TANGO2: variants seen among roughly 807,000 people sequenced by gnomAD.
TANGO2 encodes the protein transport and Golgi organization protein 2 homolog.
TANGO2 carries 26 observed loss-of-function variants against 39.1 expected under a neutral mutation model. The observed-to-expected ratio is 0.67, with a 90% confidence interval of 0.49 to 0.92. The LOEUF is 0.92. Among genes scored for constraint, TANGO2 ranks in the 40% least tolerant of loss-of-function variants. The pLI is 0.00. For synonymous variants in TANGO2, 131 were observed against 144.5 expected, an observed-to-expected ratio of 0.91 and a Z score of 0.67; for missense variants, 326 against 360.1, an observed-to-expected ratio of 0.91 and a Z score of 0.77.
At chr22:20,053,276 C>G in intron 4 of TANGO2, 161 bp from the exon 5 acceptor site, 2 of 594,200 alleles carry the variant, frequency 3.4e-6, no homozygotes, top group Non-Finnish European at 6.2e-6. Context: ...GGCAGCCAGG[C>G]TAATGAGGTG....
rs746398994 is a variant in TANGO2 at position 20,061,561 on chromosome 22, G to A, written c.483G>A (p.Glu161=). The A allele has an allele frequency of 3.7e-6, 6 of 1,606,300 alleles. No individual in the cohort carries two copies. The highest frequency in any genetic ancestry group is 5.1e-6 in the Non-Finnish European group (6 of 1,177,000). The change falls in exon 7 of 9, where the codon GAG becomes GAA. Residue 161 remains glutamate, a synonymous_variant. Transcript: ENST00000327374. The part of the protein sequence containing the change: ...GTYGLSNALL[E]TPWRKLCFGK... ...ACGGGCTGAGCAACGCGCTGCTGGAGACTCCCTGGAGGAAGCTGTGCTTTG... is the reference window on the plus strand; with the variant it reads ...ACGGGCTGAGCAACGCGCTGCTGGAAACTCCCTGGAGGAAGCTGTGCTTTG...
chr22:20,038,037 C>T (rs1391523783), intron 2 of TANGO2, among the ~76,000 whole-genome samples: 3 of 152,050 alleles, frequency 2.0e-5, no homozygotes, highest in East Asian at 1.9e-4. Flanking sequence ...TGCAGTGAGC[C>T]GAGATTGCGC....
chr22:20,027,319 A>G (rs893058045), intron 1 of TANGO2, among the ~76,000 whole-genome samples: 1 of 152,182 alleles, frequency 6.6e-6, no homozygotes, highest in African/African-American at 2.4e-5. Flanking sequence ...TTTGGTGGGG[A>G]CACAGATCCA....
At chr22:20,033,364 C>T in intron 1 of TANGO2, 1 of 384,912 alleles carries the variant, frequency 2.6e-6, no homozygotes, top group Non-Finnish European at 5.0e-6. Flanking sequence ...GTCTGCTGCC[C>T]CTGCACCCTG....
rs1455955117 is a variant in TANGO2 at position 20,064,668 on chromosome 22, C to G, written c.*6C>G. ...AGTTCACACTGCAGAGCTAACCCCA[C>G]CTCTGGGCCTGGCCAGTGGGCTCCT... is the stretch of plus-strand genomic sequence containing the variant. On this transcript the variant is annotated 3_prime_UTR_variant, in exon 9 of 9. Coordinates refer to ENST00000327374, the MANE Select transcript of TANGO2 (RefSeq NM_152906.7). 6.2e-7 allele frequency: 1 copy of G among 1,613,874 alleles called. No individual in the cohort carries two copies. Among genetic ancestry groups the G allele is most frequent in the Non-Finnish European group, 8.5e-7 (1 of 1,179,854 alleles).
intron 8 of TANGO2, among the ~76,000 whole-genome samples, chr22:20,064,324 A>G (rs1438116012): frequency 1.3e-5 from 2 of 152,196 alleles, no homozygotes; most frequent in African/African-American, 4.8e-5. Context: ...GGCAGGACTC[A>G]GCAAGTGTGG....
chr22:20,027,288 G>T (rs749547486), intron 1 of TANGO2, among the ~76,000 whole-genome samples: 15 of 152,136 alleles, frequency 9.9e-5, no homozygotes, highest in Non-Finnish European at 8.8e-5. Context: ...TCCAACACTG[G>T]GAATTAAATT....
intron 2 of TANGO2, among the ~76,000 whole-genome samples, chr22:20,042,472 T>C (rs191548912): frequency 6.6e-6 from 1 of 152,312 alleles, no homozygotes; most frequent in African/African-American, 2.4e-5. Context: ...AAAAGAAATA[T>C]TTGTTTGATT....
chr22:20,050,892 A>C (rs185823200), intron 3 of TANGO2, among the ~76,000 whole-genome samples: 214 of 131,556 alleles, frequency 1.6e-3, no homozygotes, highest in African/African-American at 6.0e-3. Context: ...CAATGGTGTG[A>C]TCTCGGCTCA....
chr22:20,031,597 C>G (rs2041886602), intron 1 of TANGO2, among the ~76,000 whole-genome samples: 1 of 152,226 alleles, frequency 6.6e-6, no homozygotes, highest in Admixed American at 6.5e-5. Flanking sequence ...CTGGTGAGGC[C>G]TGGCCATGTG....
chr22:20,025,893 T>C (rs2040647388), intron 1 of TANGO2, among the ~76,000 whole-genome samples: 1 of 152,156 alleles, frequency 6.6e-6, no homozygotes, highest in Non-Finnish European at 1.5e-5. Flanking sequence ...CACCTGAGAA[T>C]GCATTGAAGC....
At position 20,039,659 on chromosome 22, in the gene TANGO2, C is replaced by A. The variant is rs377458152; in HGVS notation, c.56+2805C>A. ...AAAGAAAAAACGAAAAAAAACCTGC[C>A]TGTTTACAGCCCCACGTGATGCCAC... On this transcript the variant is annotated intron_variant, in intron 2 of 8. Transcript: ENST00000327374. Among the ~76,000 whole-genome samples, 126 of 152,090 alleles carry A rather than the reference C, an allele frequency of 8.3e-4. No homozygotes were observed. In the South Asian group the frequency reaches 0.025, roughly 30 times the overall value.
chr22:20,038,140 T>C (rs1194537396), intron 2 of TANGO2, among the ~76,000 whole-genome samples: 2 of 152,110 alleles, frequency 1.3e-5, no homozygotes, highest in African/African-American at 2.4e-5. Context: ...CTAATCAATG[T>C]GATGGGTGAC....
intron 1 of TANGO2, among the ~76,000 whole-genome samples, chr22:20,031,512 C>T (rs1214872555): frequency 1.3e-5 from 2 of 152,238 alleles, no homozygotes; most frequent in African/African-American, 4.8e-5. Context: ...AAGTATGGCT[C>T]CTCTCGACTG....
intron 1 of TANGO2, among the ~76,000 whole-genome samples, chr22:20,031,455 C>T (rs542021131): frequency 2.6e-5 from 4 of 152,312 alleles, no homozygotes; most frequent in South Asian, 2.1e-4. Context: ...TGTCGTAGGT[C>T]GGTGGCAGGA....
chr22:20,064,582 A>C lies in TANGO2; in HGVS notation c.751A>C (p.Thr251Pro), dbSNP rs757186239. Residue 251 changes from threonine to proline, a missense_variant, in exon 9 of 9, where the codon ACC (threonine) becomes CCC (proline). Physicochemically the swap from Thr to Pro is conservative, Grantham distance 38. Coordinates refer to ENST00000327374, the MANE Select transcript of TANGO2 (RefSeq NM_152906.7). ...IILVDADGHV[T>P]FTERSMMDKD... The stretch of plus-strand genomic sequence containing the variant: ...CCTGGTAGATGCGGACGGCCACGTG[A>C]CCTTCACTGAGCGTAGCATGATGGA... 1 of 1,614,154 alleles carries C rather than the reference A, an allele frequency of 6.2e-7. No individual in the cohort carries two copies. The highest frequency in any genetic ancestry group is 1.1e-5 in the South Asian group (1 of 91,088).
rs201237746 is a variant in TANGO2, at chr22:20,064,594, C to T, written c.763C>T (p.Arg255Cys). 34 of 1,614,126 alleles carry T rather than the reference C, an allele frequency of 2.1e-5. No homozygotes were observed. In the South Asian group the frequency reaches 2.9e-4, roughly 14 times the overall value. The change falls in exon 9 of 9, where the codon CGT becomes TGT. Residue 255 changes from arginine (R) to cysteine (C), a missense_variant. Coordinates refer to ENST00000327374, the MANE Select transcript of TANGO2 (RefSeq NM_152906.7). ...DADGHVTFTE[R>C]SMMDKDLSHW... The stretch of plus-strand genomic sequence containing the variant: ...GGACGGCCACGTGACCTTCACTGAG[C>T]GTAGCATGATGGACAAGGACCTCTC...
chr22:20,044,128 G>A (rs987910768), intron 3 of TANGO2, among the ~76,000 whole-genome samples: 3 of 152,290 alleles, frequency 2.0e-5, no homozygotes, highest in Non-Finnish European at 2.9e-5. Context: ...CGTACCAGGC[G>A]CCAAGTGGGC....
intron 2 of TANGO2, among the ~76,000 whole-genome samples, 188 bp from the exon 3 acceptor site, chr22:20,043,167 G>A (rs2044301020): frequency 6.6e-6 from 1 of 152,228 alleles, no homozygotes; most frequent in African/African-American, 2.4e-5. Context: ...CCAGCTGCAG[G>A]CTCCCGAGAG....
Sources: gnomAD v4.1 joint callset for allele counts (sites outside exome capture counted in the v4.1 genomes callset) on GRCh38, gnomAD v4.1.1 for gene constraint, MANE v1.5 for transcripts, NCBI Gene and HGNC (gene_info 2026-07-23, HGNC 2026-07-21) for gene names.